CDK14: variants seen among roughly 807,000 people sequenced by gnomAD.
CDK14 encodes cyclin dependent kinase 14, also known as cyclin-dependent kinase 14.
A neutral mutation model predicts 60.7 loss-of-function variants in CDK14; 34 were observed. The observed-to-expected ratio is 0.56, with a 90% CI of 0.43 to 0.75. CDK14 has a LOEUF of 0.75. Ranked by LOEUF, CDK14 falls within the 30% of genes least tolerant of loss-of-function variation. CDK14 has a pLI of 0.00. For synonymous variants in CDK14, 197 were observed against 203.7 expected (o/e 0.97, Z 0.28); for missense variants, 482 against 564.1 (o/e 0.85, Z 1.47).
At chr7:91,091,583 C>G (rs1471401019) in intron 12 of CDK14, among the ~76,000 whole-genome samples, 1 of 146,080 alleles carries the variant, frequency 6.8e-6, no homozygotes, top group Non-Finnish European at 1.5e-5. Context: ...GCAGGGGGAT[C>G]ATTTGAGCCT....
intron 2 of CDK14, among the ~76,000 whole-genome samples, chr7:90,635,377 T>A (rs559048503): frequency 4.1e-4 from 62 of 152,336 alleles, no homozygotes; most frequent in African/African-American, 1.4e-3. Flanking sequence ...CCAACACCAT[T>A]TATTAAATAG....
intron 2 of CDK14, among the ~76,000 whole-genome samples, chr7:90,639,626 G>C (rs559631951): frequency 6.7e-6 from 1 of 148,702 alleles, no homozygotes; most frequent in Non-Finnish European, 1.5e-5. Context: ...CAGATCTCCA[G>C]CTGCGTGCTG....
chr7:90,953,822 G>C (rs763761401), intron 8 of CDK14, among the ~76,000 whole-genome samples: 6 of 152,134 alleles, frequency 3.9e-5, no homozygotes, highest in Admixed American at 1.3e-4. Context: ...TGGCTCTTTA[G>C]TCTCCATATG....
chr7:90,726,397 G>A, intron 2 of CDK14, 170 bp from the exon 3 acceptor site: 1 of 1,274,086 alleles, frequency 7.8e-7, no homozygotes, highest in Non-Finnish European at 1.0e-6. Flanking sequence ...CACAATGATT[G>A]TGAGGATTTT....
chr7:90,668,760 G>A (rs1801042041), intron 2 of CDK14, among the ~76,000 whole-genome samples: 1 of 134,662 alleles, frequency 7.4e-6, no homozygotes, highest in East Asian at 2.1e-4. Flanking sequence ...CCAGACTGGA[G>A]TGCAATGGTG....
chr7:90,735,115 G>A (rs978831989), intron 3 of CDK14, among the ~76,000 whole-genome samples: 4 of 152,158 alleles, frequency 2.6e-5, no homozygotes, highest in South Asian at 2.1e-4. Context: ...TCTAGACCCT[G>A]TTTGCCTGGG....
chr7:91,125,637 A>T (rs1177250406), intron 14 of CDK14, among the ~76,000 whole-genome samples: 1 of 152,178 alleles, frequency 6.6e-6, no homozygotes, highest in Non-Finnish European at 1.5e-5. Flanking sequence ...AGATTAATCA[A>T]AGGTTACTTT....
At chr7:90,974,238 T>C (rs1795006560) in intron 9 of CDK14, among the ~76,000 whole-genome samples, 1 of 152,158 alleles carries the variant, frequency 6.6e-6, no homozygotes, top group Non-Finnish European at 1.5e-5. Flanking sequence ...TCTTTCCTTG[T>C]TCCCTGAAAA....
At chr7:90,814,119 A>G (rs1789251990) in intron 5 of CDK14, among the ~76,000 whole-genome samples, 1 of 152,228 alleles carries the variant, frequency 6.6e-6, no homozygotes, top group Non-Finnish European at 1.5e-5. Flanking sequence ...GATACCTCCT[A>G]GTCTCAAAGA....
chr7:91,013,656 G>GTTTTTTTTTTTTTTTTTTTTTTT (rs56934476), intron 10 of CDK14, among the ~76,000 whole-genome samples: 23 of 123,384 alleles, frequency 1.9e-4, no homozygotes, highest in Non-Finnish European at 3.0e-4. Flanking sequence ...CATTGCCTCT[G>GTTTTTTTTTTTTTTTTTTTTTTT]TTTTTTTTTT....
At chr7:91,020,143 G>T (rs1388552437) in intron 10 of CDK14, among the ~76,000 whole-genome samples, 1 of 152,112 alleles carries the variant, frequency 6.6e-6, no homozygotes, top group Non-Finnish European at 1.5e-5. Context: ...GCTTGTAACT[G>T]CCCCCTTTTA....
chr7:91,049,606 T>G (rs868183621), intron 11 of CDK14, among the ~76,000 whole-genome samples: 1 of 152,182 alleles, frequency 6.6e-6, no homozygotes, highest in Non-Finnish European at 1.5e-5. Flanking sequence ...CCAGTTTGGG[T>G]TTTCAAATGT....
chr7:90,927,402 A>G lies in CDK14; in HGVS notation c.826+9678A>G, dbSNP rs541192658. 2.9e-4 allele frequency among the ~76,000 whole-genome samples: 44 copies of G among 152,270 alleles called. No homozygotes were observed. In the East Asian group the frequency reaches 8.5e-3, roughly 29 times the overall value. On this transcript the variant is annotated intron_variant, in intron 8 of 14. Transcript: ENST00000380050. ...GACTAAGACCAAATATTATAACAAA[A>G]GATGCTCTTATCACCCCTGTTACTC... is the stretch of plus-strand genomic sequence containing the variant.
chr7:90,628,557 A>C (rs10262983), intron 2 of CDK14, among the ~76,000 whole-genome samples: 3 of 151,998 alleles, frequency 2.0e-5, no homozygotes, highest in Non-Finnish European at 4.4e-5. Context: ...ATAGTGGCTC[A>C]TGCCTGTAAT....
At chr7:90,784,486 A>C (rs753071214) in intron 4 of CDK14, among the ~76,000 whole-genome samples, 1 of 152,228 alleles carries the variant, frequency 6.6e-6, no homozygotes, top group Non-Finnish European at 1.5e-5. Flanking sequence ...TAATTTGATC[A>C]TTACACTTTA....
At chr7:90,774,196 G>A (rs924321395) in intron 4 of CDK14, among the ~76,000 whole-genome samples, 2 of 152,052 alleles carry the variant, frequency 1.3e-5, no homozygotes, top group African/African-American at 2.4e-5. Context: ...GAGCCACTAC[G>A]CCAGGCCAGC....
At chr7:90,635,534 T>G (rs1800122257) in intron 2 of CDK14, among the ~76,000 whole-genome samples, 1 of 152,228 alleles carries the variant, frequency 6.6e-6, no homozygotes, top group Non-Finnish European at 1.5e-5. Flanking sequence ...TTGGTTACTG[T>G]AGCCTTGTAG....
At chr7:91,168,408 T>A (rs1801415599) in intron 14 of CDK14, among the ~76,000 whole-genome samples, 1 of 152,214 alleles carries the variant, frequency 6.6e-6, no homozygotes, top group Non-Finnish European at 1.5e-5. Flanking sequence ...TTCAGGTATA[T>A]ATTTATTACA....
At chr7:90,825,236 AGGGC>A (rs1789682530) in intron 5 of CDK14, among the ~76,000 whole-genome samples, 2 of 152,324 alleles carry the variant, frequency 1.3e-5, no homozygotes, top group Non-Finnish European at 2.9e-5. Flanking sequence ...CACCTACTGC[AGGGC>A]AGCCATCTAT....
Sources: gnomAD v4.1 joint callset for allele counts (sites outside exome capture counted in the v4.1 genomes callset) on GRCh38, gnomAD v4.1.1 for gene constraint, MANE v1.5 for transcripts, NCBI Gene and HGNC (gene_info 2026-07-23, HGNC 2026-07-21) for gene names.